SLC2A9: variants seen among roughly 807,000 people sequenced by gnomAD.
The protein encoded by SLC2A9 is solute carrier family 2 member 9, also known as solute carrier family 2, facilitated glucose transporter member 9.
SLC2A9 carries 39 observed loss-of-function variants against 50.6 expected under a neutral mutation model. The observed-to-expected ratio is 0.77, with a 90% CI of 0.60 to 1.01. The LOEUF (loss-of-function observed/expected upper bound fraction) is 1.01, where lower values mean the gene tolerates loss of function less well. SLC2A9 is among the 50% of genes least tolerant of loss of function. The pLI, the probability that SLC2A9 is intolerant of heterozygous loss-of-function variation, is 0.00. For synonymous variants in SLC2A9, 324 were observed against 276.9 expected (o/e 1.17, Z -1.69); for missense variants, 686 against 677.6 (o/e 1.01, Z -0.14).
chr4:9,932,382 G>C (rs1024654793), intron 6 of SLC2A9, among the ~76,000 whole-genome samples: 3 of 152,160 alleles, frequency 2.0e-5, no homozygotes, highest in African/African-American at 7.2e-5. Flanking sequence ...TCAGCAATAA[G>C]TAAAATAGGA....
chr4:9,916,436 C>A (rs1437926013), intron 7 of SLC2A9, among the ~76,000 whole-genome samples: 1 of 152,218 alleles, frequency 6.6e-6, no homozygotes, highest in African/African-American at 2.4e-5. Context: ...CCAACCAAGA[C>A]TGCATATCAG....
chr4:9,793,217 T>C (rs1208532715), intron 3 of SLC2A9, among the ~76,000 whole-genome samples: 1 of 152,242 alleles, frequency 6.6e-6, no homozygotes, highest in African/African-American at 2.4e-5. Context: ...TAAGCAAATT[T>C]GAAATCTGGC....
intron 6 of SLC2A9, among the ~76,000 whole-genome samples, chr4:9,938,471 C>A (rs1285349965): frequency 1.3e-5 from 2 of 151,976 alleles, no homozygotes; most frequent in Non-Finnish European, 1.5e-5. Flanking sequence ...CAGGGTTTCA[C>A]CGTGTTAGCC....
At chr4:9,796,305 G>C (rs1298291848), downstream of SLC2A9, among the ~76,000 whole-genome samples, 3 of 152,170 alleles carry the variant, frequency 2.0e-5, no homozygotes, top group Non-Finnish European at 4.4e-5. Context: ...AAAGCTGTTT[G>C]CCAATTCATT....
Position 9,782,920 on chromosome 4 carries a change from C to A in SLC2A9, n.386-2855G>T. On this transcript the variant is annotated intron_variant and non_coding_transcript_variant, in intron 3 of 3. Coordinates refer to the SLC2A9 transcript ENST00000503803. ...AGAAGGAGACCAAGGTTCTCAAGAC[C>A]CTGTCGGTGATCATGGGGGTCTTCG... is the stretch of plus-strand genomic sequence containing the variant. 1.9e-6 allele frequency: 3 copies of A among 1,613,968 alleles called. No homozygotes were observed. The East Asian group carries it at 6.7e-5, about 36-fold the overall frequency.
At chr4:9,994,481 G>A (rs1203095977) in intron 3 of SLC2A9, among the ~76,000 whole-genome samples, 1 of 151,630 alleles carries the variant, frequency 6.6e-6, no homozygotes, top group Admixed American at 6.6e-5. Context: ...ATCTTTTTCT[G>A]CATCCTCACT....
intron 2 of SLC2A9, among the ~76,000 whole-genome samples, chr4:10,002,748 G>A (rs1417529840): frequency 1.3e-5 from 2 of 152,180 alleles, no homozygotes; most frequent in African/African-American, 4.8e-5. Flanking sequence ...AGCTACTCTG[G>A]AGGCTGAGGC....
chr4:9,796,172 G>A (rs1346763107), downstream of SLC2A9, among the ~76,000 whole-genome samples: 1 of 152,154 alleles, frequency 6.6e-6, no homozygotes, highest in Non-Finnish European at 1.5e-5. Flanking sequence ...AAGTCCTGAG[G>A]CTGAGGAAGG....
chr4:9,864,192 G>C (rs981102689), intron 10 of SLC2A9, among the ~76,000 whole-genome samples: 2 of 152,020 alleles, frequency 1.3e-5, no homozygotes, highest in South Asian at 2.1e-4. Context: ...TGTGTACACA[G>C]CCATTTCAAG....
At chr4:9,879,623 T>C (rs1408974165) in intron 10 of SLC2A9, 1 of 985,274 alleles carries the variant, frequency 1.0e-6, no homozygotes, top group Non-Finnish European at 1.2e-6. Flanking sequence ...TCTGGGGTGC[T>C]CAGACCTTAA....
At chr4:9,795,104 C>T (rs184276203), downstream of SLC2A9, among the ~76,000 whole-genome samples, 341 of 149,308 alleles carry the variant, frequency 2.3e-3, 4 homozygotes, top group Non-Finnish European at 3.0e-3. Flanking sequence ...CTCCATCTCC[C>T]GGGTTCAAGC....
At chr4:9,810,706 A>G (rs1272084949) in intron 3 of SLC2A9, among the ~76,000 whole-genome samples, 1 of 152,246 alleles carries the variant, frequency 6.6e-6, no homozygotes, top group Non-Finnish European at 1.5e-5. Context: ...AATGAGAAAA[A>G]GGCACATGGG....
At chr4:9,892,861 T>C (rs2109810695) in intron 8 of SLC2A9, among the ~76,000 whole-genome samples, 1 of 152,344 alleles carries the variant, frequency 6.6e-6, no homozygotes. Context: ...GGAGTTAGTC[T>C]AGATACCAAT....
intron 10 of SLC2A9, among the ~76,000 whole-genome samples, chr4:9,848,813 T>C (rs970098108): frequency 6.6e-6 from 1 of 151,374 alleles, no homozygotes; most frequent in Admixed American, 6.6e-5. Context: ...CACGCCATTC[T>C]CCTGCCTCAG....
At chr4:9,866,476 T>C (rs1029316670) in intron 10 of SLC2A9, among the ~76,000 whole-genome samples, 3 of 148,754 alleles carry the variant, frequency 2.0e-5, no homozygotes, top group African/African-American at 7.5e-5. Flanking sequence ...TCCTTCCTGC[T>C]CTCTTAGTTT....
intron 1 of SLC2A9, among the ~76,000 whole-genome samples, chr4:10,039,892 G>A (rs1414864879): frequency 2.0e-5 from 3 of 152,218 alleles, no homozygotes; most frequent in Non-Finnish European, 4.4e-5. Flanking sequence ...GAAGGGAGGA[G>A]GGAATTGCAA....
In SLC2A9 at chr4:9,887,609, C is replaced by G; in HGVS notation, c.1249G>C (p.Val417Leu). ...HAPWVPYLSIVGILAIIASFC... is the reference protein window; with the variant it reads ...HAPWVPYLSILGILAIIASFC... The stretch of plus-strand genomic sequence containing the variant: ...GAGGCGATGATGGCCAGAATGCCCA[C>G]GATACTCAGGTAGGGGACCCAGGGG... The change falls in exon 10 of 12, where the codon GTG (valine) becomes CTG (leucine). Residue 417 changes from valine to leucine, a missense_variant. By Grantham distance (32) the Val-to-Leu change is conservative. Transcript: ENST00000264784. The G allele has an allele frequency of 6.4e-7, 1 of 1,566,730 alleles. No homozygotes were observed. The highest frequency in any genetic ancestry group is 2.4e-5 in the East Asian group (1 of 42,150).
At chr4:9,798,354 A>C (rs1720850395), downstream of SLC2A9, among the ~76,000 whole-genome samples, 1 of 152,250 alleles carries the variant, frequency 6.6e-6, no homozygotes, top group South Asian at 2.1e-4. Flanking sequence ...CTTCGCAATC[A>C]GTCTGGAGCA....
At chr4:10,020,039 A>AGTGTGTGTGTGTGTGTGT (rs112964589) in intron 1 of SLC2A9, among the ~76,000 whole-genome samples, 2 of 147,982 alleles carry the variant, frequency 1.4e-5, no homozygotes, top group Non-Finnish European at 3.0e-5. Flanking sequence ...CATATTTGTG[A>AGTGTGTGTGTGTGTGTGT]GTGTGTGTGT....
Sources: allele counts gnomAD v4.1 joint callset (sites outside exome capture counted in the v4.1 genomes callset), GRCh38; gene constraint gnomAD v4.1.1; transcripts MANE v1.5; gene names NCBI Gene and HGNC (gene_info 2026-07-23, HGNC 2026-07-21).